Variants in DGKB observed in about 807,000 individuals in gnomAD.
DGKB encodes the protein 90 kDa diacylglycerol kinase.
A neutral mutation model predicts 114.3 loss-of-function variants in DGKB; 67 were observed. That is an observed-to-expected ratio of 0.59 (90% CI 0.48 to 0.72). The LOEUF (loss-of-function observed/expected upper bound fraction) is 0.72, where lower values mean the gene tolerates loss of function less well. Ranked by LOEUF, DGKB falls within the 30% of genes least tolerant of loss-of-function variation. The pLI is 0.00. For synonymous variants in DGKB, 398 were observed against 323.1 expected, an observed-to-expected ratio of 1.23 and a Z score of -2.49; for missense variants, 907 against 975.2, an observed-to-expected ratio of 0.93 and a Z score of 0.93.
intron 2 of DGKB, among the ~76,000 whole-genome samples, chr7:14,825,074 G>A (rs1466580450): frequency 8.2e-6 from 1 of 122,396 alleles, no homozygotes; most frequent in Non-Finnish European, 1.7e-5. Context: ...TACTAGGTAA[G>A]CAGAGATATA....
intron 25 of DGKB, among the ~76,000 whole-genome samples, chr7:14,173,942 G>A (rs1227864566): frequency 6.6e-6 from 1 of 152,130 alleles, no homozygotes; most frequent in Non-Finnish European, 1.5e-5. Flanking sequence ...AGTCATGATA[G>A]TTAACAGGTG....
chr7:14,581,776 T>C (rs924127045), intron 18 of DGKB, among the ~76,000 whole-genome samples: 2 of 152,204 alleles, frequency 1.3e-5, no homozygotes, highest in African/African-American at 4.8e-5. Flanking sequence ...ATAAGATTTT[T>C]GAGGGCTAAA....
chr7:14,300,511 C>G (rs950006913), intron 23 of DGKB, among the ~76,000 whole-genome samples: 5 of 152,084 alleles, frequency 3.3e-5, no homozygotes, highest in East Asian at 1.9e-4. Flanking sequence ...GTGAAAATGA[C>G]TGCTTATTTT....
intron 18 of DGKB, among the ~76,000 whole-genome samples, chr7:14,582,589 G>C (rs969953308): frequency 1.3e-5 from 2 of 152,088 alleles, no homozygotes; most frequent in Admixed American, 1.3e-4. Flanking sequence ...GAATAAACAA[G>C]ATAACATGAT....
chr7:14,480,156 G>C (rs139727031), intron 20 of DGKB, among the ~76,000 whole-genome samples: 6 of 151,882 alleles, frequency 4.0e-5, no homozygotes, highest in East Asian at 1.9e-4. Context: ...AGAAGAGAGG[G>C]GAGAGACAGC....
At chr7:14,537,553 T>C (rs866936726) in intron 20 of DGKB, among the ~76,000 whole-genome samples, 5 of 152,316 alleles carry the variant, frequency 3.3e-5, no homozygotes, top group Middle Eastern at 3.4e-3. Context: ...GTATCTTCAA[T>C]ACATGGTGTT....
chr7:14,653,534 T>A (rs916047195), intron 13 of DGKB, among the ~76,000 whole-genome samples: 38 of 151,986 alleles, frequency 2.5e-4, no homozygotes, highest in African/African-American at 8.4e-4. Context: ...AGGGATAGCA[T>A]CGGGAGATAT....
chr7:14,932,610 A>G (rs2128251405), intron 1 of DGKB, among the ~76,000 whole-genome samples: 1 of 152,320 alleles, frequency 6.6e-6, no homozygotes, highest in East Asian at 1.9e-4. Flanking sequence ...CATATCAGGT[A>G]AGGCACATTC....
chr7:14,149,681 C>T (rs1336861207), intron 25 of DGKB, among the ~76,000 whole-genome samples: 2 of 152,104 alleles, frequency 1.3e-5, no homozygotes, highest in African/African-American at 4.8e-5. Context: ...CAAGGCAAGC[C>T]TTATTTATCT....
intron 2 of DGKB, among the ~76,000 whole-genome samples, chr7:14,837,216 C>G (rs189077650): frequency 1.1e-3 from 171 of 152,282 alleles, no homozygotes; most frequent in African/African-American, 4.1e-3. Flanking sequence ...TGCTAGATAC[C>G]TATCCAAGAA....
At chr7:14,521,814 T>G (rs1008102627) in intron 20 of DGKB, among the ~76,000 whole-genome samples, 1 of 152,194 alleles carries the variant, frequency 6.6e-6, no homozygotes, top group Admixed American at 6.6e-5. Flanking sequence ...ACGTTCTTAT[T>G]TCTTTGCATA....
chr7:14,451,060 G>A (rs1244747833), intron 21 of DGKB, among the ~76,000 whole-genome samples: 1 of 152,014 alleles, frequency 6.6e-6, no homozygotes, highest in Admixed American at 6.6e-5. Flanking sequence ...CCTTTCAGCA[G>A]AAGTAGAGAC....
intron 2 of DGKB, among the ~76,000 whole-genome samples, chr7:14,798,859 A>G (rs1430719737): frequency 1.3e-5 from 2 of 152,230 alleles, no homozygotes; most frequent in Non-Finnish European, 1.5e-5. Flanking sequence ...TCCCTGACCT[A>G]TGGAATGAGG....
chr7:14,397,254 C>A (rs543187762), intron 21 of DGKB, among the ~76,000 whole-genome samples: 1 of 151,970 alleles, frequency 6.6e-6, no homozygotes, highest in Non-Finnish European at 1.5e-5. Context: ...AGTACAAGAC[C>A]GGGCAGGGGA....
rs1787831975 is a variant in DGKB, at chr7:14,510,540, C to T, written c.1771-32315G>A. Among the ~76,000 whole-genome samples, 3 of 152,142 alleles carry T rather than the reference C, an allele frequency of 2.0e-5. No individual in the cohort carries two copies. The South Asian group carries it at 6.2e-4, about 32-fold the overall frequency. ...TCTACCACGTATGCAGTTACTTCCT[C>T]CACTGAAGTCTTGAGCCCCTCAGAG... is the stretch of plus-strand genomic sequence containing the variant. On this transcript the variant is annotated intron_variant, in intron 20 of 25. Coordinates refer to ENST00000402815, the MANE Select transcript of DGKB (RefSeq NM_001350709.2).
intron 20 of DGKB, among the ~76,000 whole-genome samples, chr7:14,481,874 G>C (rs1186620019): frequency 1.3e-5 from 2 of 151,852 alleles, no homozygotes; most frequent in African/African-American, 4.8e-5. Flanking sequence ...AATATTTTTG[G>C]AGTGTTACTG....
Position 14,392,762 on chromosome 7 carries a change from T to A in DGKB, c.1836-47371A>T, listed in dbSNP as rs73679720. 4.2e-3 allele frequency among the ~76,000 whole-genome samples: 646 copies of A among 152,262 alleles called. 2 individuals are homozygous for A. Among genetic ancestry groups the A allele is most frequent in the African/African-American group, 0.015 (605 of 41,562 alleles). ...CCAAATCCCATTCGCAAAAAGTGGC[T>A]ATAACAAACAATTACAATGAATAAA... On this transcript the variant is annotated intron_variant, in intron 21 of 25. Transcript: ENST00000402815.
chr7:14,534,656 G>A (rs1428986804), intron 20 of DGKB, among the ~76,000 whole-genome samples: 4 of 151,910 alleles, frequency 2.6e-5, no homozygotes, highest in Admixed American at 6.6e-5. Flanking sequence ...TCTTGGAAAT[G>A]GAAACCAAAA....
intron 13 of DGKB, among the ~76,000 whole-genome samples, chr7:14,657,015 A>G (rs1815974148): frequency 6.6e-6 from 1 of 151,778 alleles, no homozygotes; most frequent in Non-Finnish European, 1.5e-5. Context: ...TAACAGATAA[A>G]TGGTTGGTTA....
Sources: allele counts gnomAD v4.1 joint callset (sites outside exome capture counted in the v4.1 genomes callset), GRCh38; gene constraint gnomAD v4.1.1; transcripts MANE v1.5; gene names NCBI Gene and HGNC (gene_info 2026-07-23, HGNC 2026-07-21).